Variants in CCDC85C observed in about 807,000 individuals in gnomAD.
The protein encoded by CCDC85C is coiled-coil domain containing 85C, also known as coiled-coil domain-containing protein 85C.
CCDC85C carries 18 observed loss-of-function variants against 38.3 expected under a neutral mutation model. The observed-to-expected ratio is 0.47, with a 90% CI of 0.33 to 0.70. CCDC85C has a LOEUF of 0.70. Ranked by LOEUF, CCDC85C falls within the 30% of genes least tolerant of loss-of-function variation. The pLI, the probability that CCDC85C is intolerant of heterozygous loss-of-function variation, is 0.03. For missense variants in CCDC85C, 566 were observed against 621.2 expected (o/e 0.91, Z 0.94); for synonymous variants, 264 against 293.8 (o/e 0.90, Z 1.04).
rs560310591 is a variant in CCDC85C at position 99,507,032 on chromosome 14, G to T, written c.*8214C>A. ...TTTTCTTTATGACATGCTTATTCAT[G>T]TGAAGAAGTATGAGTGGTTTTCTAA... On this transcript the variant is annotated 3_prime_UTR_variant, in exon 6 of 6. Coordinates refer to ENST00000380243, the MANE Select transcript of CCDC85C (RefSeq NM_001144995.2). 4.4e-6 allele frequency: 5 copies of T among 1,127,842 alleles called. No homozygotes were observed. In the African/African-American group the frequency reaches 7.6e-5, roughly 17 times the overall value. The allele number at this position is 1,127,842 out of a possible 1,614,324, so 69.9% of individuals were successfully genotyped here. A position where few individuals can be genotyped will look rare whatever the true frequency, so the allele number is the denominator to read the frequency against.
At position 99,501,296 on chromosome 14, in the gene CCDC85C, T is replaced by C; in HGVS notation, c.*13950A>G. 9.1e-7 allele frequency: 1 copy of C among 1,093,782 alleles called. No homozygotes were observed. Among genetic ancestry groups the C allele is most frequent in the South Asian group, 1.2e-5 (1 of 80,228 alleles). The allele number at this position is 1,093,782 out of a possible 1,614,324, so 67.8% of individuals were successfully genotyped here. ...CACGTGGTAGGTTTTTAATAAATAC[T>C]TGATGCTGCCTGTGAATTTTTCTAT... On this transcript the variant is annotated 3_prime_UTR_variant, in exon 6 of 6. Coordinates refer to ENST00000380243, the MANE Select transcript of CCDC85C (RefSeq NM_001144995.2).
At position 99,511,025 on chromosome 14, in the gene CCDC85C, A is replaced by G. The variant is rs3918128; in HGVS notation, c.*4221T>C. The G allele has an allele frequency of 2.7e-3, 942 of 352,078 alleles. 4 individuals carry two copies. The highest frequency in any genetic ancestry group is 4.0e-3 in the Non-Finnish European group (794 of 197,006). The allele number at this position is 352,078 out of a possible 1,614,324, so 21.8% of individuals were successfully genotyped here. A position where few individuals can be genotyped will look rare whatever the true frequency, so the allele number is the denominator to read the frequency against. ...CTGACTGTGTACACTTGGTTCAGCT[A>G]ATGTCTGAGAGTCCTGCACTGGGTT... On this transcript the variant is annotated 3_prime_UTR_variant, in exon 6 of 6. Transcript: ENST00000380243.
Position 99,544,623 on chromosome 14 carries a change from TC to T in CCDC85C, c.794-8536del, listed in dbSNP as rs1006007666. The stretch of plus-strand genomic sequence containing the variant: ...GACTCCCCTCTCCCAGAGCAGAAAT[TC>T]TCTTCGTGACGCAAGGTGACTTTCA... On this transcript the variant is annotated intron_variant, in intron 1 of 5. Transcript: ENST00000380243. The surrounding 1 kb of genome is among the most constrained non-coding windows in gnomAD (Gnocchi z 5.3). 4.0e-5 allele frequency among the ~76,000 whole-genome samples: 6 copies of T among 151,882 alleles called. No homozygotes were observed. Among genetic ancestry groups the T allele is most frequent in the African/African-American group, 1.5e-4 (6 of 41,322 alleles).
chr14:99,594,772 T>C (rs181568417), intron 1 of CCDC85C, among the ~76,000 whole-genome samples: 27 of 152,220 alleles, frequency 1.8e-4, no homozygotes, highest in African/African-American at 6.3e-4. Context: ...GACTTACACA[T>C]GGTTGGGTCT....
chr14:99,586,694 C>T (rs2055030315), intron 1 of CCDC85C, among the ~76,000 whole-genome samples: 1 of 152,198 alleles, frequency 6.6e-6, no homozygotes, highest in Non-Finnish European at 1.5e-5. Context: ...GCCAACTCAT[C>T]ACTGTCATAC....
At position 99,544,604 on chromosome 14, in the gene CCDC85C, C is replaced by T. The variant is rs1406198169; in HGVS notation, c.794-8516G>A. On this transcript the variant is annotated intron_variant, in intron 1 of 5. Coordinates refer to ENST00000380243, the MANE Select transcript of CCDC85C (RefSeq NM_001144995.2). This position sits in a 1 kb window ranked among gnomAD's most constrained non-coding sequence, Gnocchi z 5.3. ...GGGGCTTGGAAGACAGCCTGACTCCCCTCTCCCAGAGCAGAAATTCTCTTC... is the reference window on the plus strand; with the variant it reads ...GGGGCTTGGAAGACAGCCTGACTCCTCTCTCCCAGAGCAGAAATTCTCTTC... 1.3e-5 allele frequency among the ~76,000 whole-genome samples: 2 copies of T among 152,054 alleles called. No homozygotes were observed. The highest frequency in any genetic ancestry group is 2.4e-5 in the African/African-American group (1 of 41,402).
At position 99,516,677 on chromosome 14, in the gene CCDC85C, G is replaced by C. The variant is rs560001819; in HGVS notation, c.1072-391C>G. On this transcript the variant is annotated intron_variant, in intron 4 of 5. Coordinates refer to ENST00000380243, the MANE Select transcript of CCDC85C (RefSeq NM_001144995.2). The surrounding 1 kb of genome is among the most constrained non-coding windows in gnomAD (Gnocchi z 5.5). ...TGGGGCACGTACGTAGGAGGAAGGG[G>C]GGCATGGGAGTGGGGACTGTGCTCA... 4.6e-5 allele frequency among the ~76,000 whole-genome samples: 7 copies of C among 152,232 alleles called. No individual in the cohort carries two copies. The South Asian group carries it at 1.2e-3, about 27-fold the overall frequency.
In CCDC85C at chr14:99,510,000, C is replaced by A; in HGVS notation, c.*5246G>T. ...CAGATGGTGGGGAGACATCTGGTGG[C>A]ATCAGGACATGGGGCATGGGCCCAT... On this transcript the variant is annotated 3_prime_UTR_variant, in exon 6 of 6. Coordinates refer to ENST00000380243, the MANE Select transcript of CCDC85C (RefSeq NM_001144995.2). 1 of 686,016 alleles carries A rather than the reference C, an allele frequency of 1.5e-6. No homozygotes were observed. Among genetic ancestry groups the A allele is most frequent in the Non-Finnish European group, 2.4e-6 (1 of 414,994 alleles). The allele number at this position is 686,016 out of a possible 1,614,324, so 42.5% of individuals were successfully genotyped here.
At chr14:99,542,335 A>AAG (rs1369733098) in intron 1 of CCDC85C, among the ~76,000 whole-genome samples, 5 of 152,194 alleles carry the variant, frequency 3.3e-5, no homozygotes, top group Non-Finnish European at 5.9e-5. Flanking sequence ...CCAGGCTCTT[A>AAG]AGCCAGTGCT....
chr14:99,572,346 T>C lies in CCDC85C; in HGVS notation c.793+30821A>G, dbSNP rs1173229579. Among the ~76,000 whole-genome samples, 1 of 152,178 alleles carries C rather than the reference T, an allele frequency of 6.6e-6. No homozygotes were observed. The highest frequency in any genetic ancestry group is 1.9e-4 in the East Asian group (1 of 5,196). ...CCCAAGGAAACTGAAAGCTGTGGCA[T>C]GTGGCCTTCCTCACGGGACACTGCG... On this transcript the variant is annotated intron_variant, in intron 1 of 5. Coordinates refer to ENST00000380243, the MANE Select transcript of CCDC85C (RefSeq NM_001144995.2). This position sits in a 1 kb window ranked among gnomAD's most constrained non-coding sequence, Gnocchi z 4.4.
In CCDC85C at chr14:99,533,180, G is replaced by T. The variant is rs1244748287; in HGVS notation, c.867+2835C>A. ...TCAGGGGCCTCCACTGCAGCATGGG[G>T]ACAGGGCACCGGGGCCAAGGCCCCA... is the stretch of plus-strand genomic sequence containing the variant. On this transcript the variant is annotated intron_variant, in intron 2 of 5. Transcript: ENST00000380243. This position sits in a 1 kb window ranked among gnomAD's most constrained non-coding sequence, Gnocchi z 4.2. Among the ~76,000 whole-genome samples the T allele has an allele frequency of 1.3e-5, 2 of 152,200 alleles. No individual in the cohort carries two copies. Among genetic ancestry groups the T allele is most frequent in the Non-Finnish European group, 2.9e-5 (2 of 68,034 alleles).
intron 1 of CCDC85C, chr14:99,580,158 G>A (rs529398680): frequency 2.2e-5 from 10 of 454,804 alleles, no homozygotes; most frequent in African/African-American, 8.0e-5. Context: ...CCTGGCCCCC[G>A]GCACACCCAG....
At chr14:99,554,096 A>G (rs1333504823) in intron 1 of CCDC85C, among the ~76,000 whole-genome samples, 1 of 151,984 alleles carries the variant, frequency 6.6e-6, no homozygotes, top group Non-Finnish European at 1.5e-5. Flanking sequence ...ATCTGTCTAC[A>G]CTGCTTTCCT....
chr14:99,556,409 G>C (rs1898011805), intron 1 of CCDC85C, among the ~76,000 whole-genome samples: 1 of 152,152 alleles, frequency 6.6e-6, no homozygotes, highest in Non-Finnish European at 1.5e-5. Context: ...ATGAGACCCT[G>C]TCTCTTAAAA....
At chr14:99,553,369 G>C (rs76014136) in intron 1 of CCDC85C, among the ~76,000 whole-genome samples, 1 of 149,584 alleles carries the variant, frequency 6.7e-6, no homozygotes. Context: ...TTTTTTTTTT[G>C]TTTGTTTGTT....
At chr14:99,553,292 C>CA (rs776283659) in intron 1 of CCDC85C, among the ~76,000 whole-genome samples, 6 of 152,288 alleles carry the variant, frequency 3.9e-5, no homozygotes, top group Admixed American at 6.5e-5. Context: ...ACAGGCCCTT[C>CA]AAAAGTCTTC....
intron 2 of CCDC85C, among the ~76,000 whole-genome samples, chr14:99,523,717 C>A (rs988259366): frequency 2.0e-5 from 3 of 152,180 alleles, no homozygotes; most frequent in Admixed American, 6.5e-5. Context: ...TGGGAACCAA[C>A]CTTCCTGCAG....
At position 99,508,352 on chromosome 14, in the gene CCDC85C, G is replaced by A. The variant is rs1395350875; in HGVS notation, c.*6894C>T. ...TGTGCCTTCACTGAGGAGATGGGTG[G>A]TTTATCTGGGGAGCCTGGGGCAGCC... On this transcript the variant is annotated 3_prime_UTR_variant, in exon 6 of 6. Transcript: ENST00000380243. 6.6e-6 allele frequency: 1 copy of A among 152,410 alleles called. No homozygotes were observed. Among genetic ancestry groups the A allele is most frequent in the Admixed American group, 6.5e-5 (1 of 15,290 alleles). The allele number at this position is 152,410 out of a possible 1,614,324, so 9.4% of individuals were successfully genotyped here.
rs149721981 is a variant in CCDC85C, at chr14:99,512,867, G to A, written c.*2379C>T. 5.3e-5 allele frequency: 8 copies of A among 152,348 alleles called. No individual in the cohort carries two copies. In the East Asian group the frequency reaches 1.3e-3, roughly 26 times the overall value. 9.4% of individuals were successfully genotyped at this position (152,348 alleles called of 1,614,324 possible). A position where few individuals can be genotyped will look rare whatever the true frequency, so the allele number is the denominator to read the frequency against. Reference sequence around the variant, plus strand: ...CCCCATCTGACCTTCTACAGCCCACGGCTCTGCAACTGCCACCTGTACTCA... The same window carrying A: ...CCCCATCTGACCTTCTACAGCCCACAGCTCTGCAACTGCCACCTGTACTCA... On this transcript the variant is annotated 3_prime_UTR_variant, in exon 6 of 6. Coordinates refer to ENST00000380243, the MANE Select transcript of CCDC85C (RefSeq NM_001144995.2).
Sources: gnomAD v4.1 joint callset for allele counts (sites outside exome capture counted in the v4.1 genomes callset) on GRCh38, gnomAD v4.1.1 for gene constraint, Gnocchi (gnomAD v3.1) non-coding constraint, MANE v1.5 for transcripts, NCBI Gene and HGNC (gene_info 2026-07-23, HGNC 2026-07-21) for gene names.